Variants in PATJ observed in about 807,000 individuals in gnomAD.
The protein encoded by PATJ is PATJ crumbs cell polarity complex component.
PATJ carries 190 observed loss-of-function variants against 224.9 expected under a neutral mutation model. The ratio of observed to expected loss-of-function variants is 0.84; its 90% confidence interval spans 0.75 to 0.95. The LOEUF is 0.95. PATJ is among the 40% of genes least tolerant of loss of function. The pLI is 0.00. For missense variants in PATJ, 2,121 were observed against 2,270.3 expected, an observed-to-expected ratio of 0.93 and a Z score of 1.34; for synonymous variants, 769 against 820.3, an observed-to-expected ratio of 0.94 and a Z score of 1.07.
At chr1:61,979,233 T>C (rs1644313718) in intron 27 of PATJ, among the ~76,000 whole-genome samples, 2 of 152,028 alleles carry the variant, frequency 1.3e-5, no homozygotes, top group Non-Finnish European at 2.9e-5. Flanking sequence ...TATTTAGAAA[T>C]GGGAGGGCAT....
chr1:61,963,744 G>A (rs762995994), intron 27 of PATJ, among the ~76,000 whole-genome samples: 1 of 152,136 alleles, frequency 6.6e-6, no homozygotes, highest in Non-Finnish European at 1.5e-5. Context: ...CTGTCTCAGG[G>A]GTGGCAGAGA....
chr1:61,864,761 A>G, intron 20 of PATJ, 128 bp downstream of exon 20: 1 of 732,518 alleles, frequency 1.4e-6, no homozygotes, highest in Non-Finnish European at 2.2e-6. Flanking sequence ...CACTGTTTAC[A>G]AGATGTGTCA....
At chr1:61,887,331 G>A (rs2149092000) in intron 22 of PATJ, among the ~76,000 whole-genome samples, 1 of 152,252 alleles carries the variant, frequency 6.6e-6, no homozygotes, top group South Asian at 2.1e-4. Context: ...TTTATAGCTT[G>A]AGAGCAGGAA....
chr1:61,762,857 G>T lies in PATJ; in HGVS notation c.-35-1G>T. The T allele has an allele frequency of 1.4e-6, 2 of 1,388,706 alleles. No individual in the cohort carries two copies. The highest frequency in any genetic ancestry group is 1.4e-5 in the South Asian group (1 of 72,734). The allele number at this position is 1,388,706 out of a possible 1,614,324, so 86.0% of individuals were successfully genotyped here. On this transcript the variant is annotated splice_acceptor_variant, in intron 1 of 43. Transcript: ENST00000642238. LOFTEE classifies it low-confidence loss of function (5UTR_SPLICE). ...TTTATATTGTTAAATTTTTTCTTTA[G>T]GTGTCTTTAAGAGTGATTGAAGAGA...
At chr1:61,994,438 A>G (rs1425486303) in intron 28 of PATJ, among the ~76,000 whole-genome samples, 1 of 152,168 alleles carries the variant, frequency 6.6e-6, no homozygotes, top group Non-Finnish European at 1.5e-5. Context: ...TAGTTCATTT[A>G]TATTAATGCC....
chr1:61,783,276 T>C (rs1053695384), intron 7 of PATJ, among the ~76,000 whole-genome samples: 1 of 152,228 alleles, frequency 6.6e-6, no homozygotes, highest in African/African-American at 2.4e-5. Context: ...GTATTTTATT[T>C]TGTAAAGTTA....
At chr1:61,826,654 A>T (rs574067935) in intron 15 of PATJ, among the ~76,000 whole-genome samples, 2 of 152,322 alleles carry the variant, frequency 1.3e-5, no homozygotes, top group Non-Finnish European at 2.9e-5. Flanking sequence ...AAGTAATATG[A>T]AATTTAGATA....
At chr1:61,938,345 T>G (rs77524012) in intron 27 of PATJ, among the ~76,000 whole-genome samples, 20,713 of 151,884 alleles carry the variant, frequency 0.14, 1,898 homozygotes, top group Middle Eastern at 0.22. Flanking sequence ...TTATAAACAT[T>G]GTTTAAAGTT....
chr1:62,123,729 G>A lies in PATJ; in HGVS notation c.5043+671G>A, dbSNP rs569155472. 7.0e-5 allele frequency among the ~76,000 whole-genome samples: 10 copies of A among 142,694 alleles called. No individual in the cohort carries two copies. The East Asian group carries it at 4.0e-3, about 58-fold the overall frequency. The allele number at this position is 142,694 out of a possible 152,430, so 93.6% of individuals were successfully genotyped here. On this transcript the variant is annotated intron_variant, in intron 39 of 43. Transcript: ENST00000642238. ...CCTGACCTCGTGATCCACCTGCCTT[G>A]GCCTCCCAAAGTGCTGGGATTACAG...
At chr1:62,125,973 G>A (rs2148936601) in intron 39 of PATJ, among the ~76,000 whole-genome samples, 1 of 152,288 alleles carries the variant, frequency 6.6e-6, no homozygotes, top group Admixed American at 6.5e-5. Flanking sequence ...GTTTCGCCAT[G>A]CTGGCCTGGC....
At chr1:62,033,705 C>T (rs918976207) in intron 29 of PATJ, among the ~76,000 whole-genome samples, 10 of 152,226 alleles carry the variant, frequency 6.6e-5, no homozygotes, top group Admixed American at 2.6e-4. Context: ...GATAGCTGGC[C>T]GACTACAGGC....
At chr1:62,032,204 G>C (rs545186112) in intron 29 of PATJ, among the ~76,000 whole-genome samples, 1 of 152,100 alleles carries the variant, frequency 6.6e-6, no homozygotes, top group East Asian at 1.9e-4. Context: ...CTATTTTCTT[G>C]CTGGTTCTCA....
At chr1:61,896,085 G>T (rs10889268) in intron 22 of PATJ, among the ~76,000 whole-genome samples, 94,320 of 151,882 alleles carry the variant, frequency 0.62, 30,136 homozygotes, top group Middle Eastern at 0.7. Flanking sequence ...TCACCTGAGG[G>T]CAGAAGTTTG....
At chr1:61,864,727 T>A (rs1570969388) in intron 20 of PATJ, 94 bp downstream of exon 20, 6 of 1,143,732 alleles carry the variant, frequency 5.2e-6, no homozygotes, top group Middle Eastern at 2.0e-4. Flanking sequence ...TGTTTGTTTT[T>A]AAATGGGCCT....
chr1:62,125,032 C>T (rs976009272), intron 39 of PATJ, among the ~76,000 whole-genome samples: 1 of 151,928 alleles, frequency 6.6e-6, no homozygotes, highest in East Asian at 1.9e-4. Flanking sequence ...TTGAGACCAG[C>T]CTGGGCAACA....
intron 17 of PATJ, among the ~76,000 whole-genome samples, chr1:61,840,117 A>C (rs1020678906): frequency 2.0e-5 from 3 of 152,024 alleles, no homozygotes; most frequent in Non-Finnish European, 2.9e-5. Context: ...TCTTGAATAT[A>C]GTATGCCTTA....
At chr1:62,160,117 T>TG (rs1486552393) in intron 43 of PATJ, among the ~76,000 whole-genome samples, 3 of 152,104 alleles carry the variant, frequency 2.0e-5, no homozygotes, top group Non-Finnish European at 4.4e-5. Context: ...CTACAGATGG[T>TG]GAAACCTCCT....
intron 33 of PATJ, among the ~76,000 whole-genome samples, chr1:62,107,759 T>TA (rs1419470227): frequency 6.6e-6 from 1 of 152,186 alleles, no homozygotes; most frequent in Non-Finnish European, 1.5e-5. Context: ...TCTGAAGAGA[T>TA]ACAAATTATT....
chr1:61,968,847 C>A (rs771460262), intron 27 of PATJ, among the ~76,000 whole-genome samples: 6 of 152,120 alleles, frequency 3.9e-5, no homozygotes, highest in Non-Finnish European at 7.4e-5. Flanking sequence ...AAAATAACTT[C>A]CTGCTTTTAA....
Sources: allele counts gnomAD v4.1 joint callset (sites outside exome capture counted in the v4.1 genomes callset), GRCh38; gene constraint gnomAD v4.1.1; transcripts MANE v1.5; gene names NCBI Gene and HGNC (gene_info 2026-07-23, HGNC 2026-07-21).